NUBPL: variants seen among roughly 807,000 people sequenced by gnomAD.
NUBPL encodes iron-sulfur cluster transfer protein NUBPL.
In NUBPL, 31 loss-of-function variants were observed where a neutral mutation model predicts 45.7. That is an observed-to-expected ratio of 0.68 (90% CI 0.51 to 0.92). NUBPL has a LOEUF of 0.92. Among genes scored for constraint, NUBPL ranks in the 40% least tolerant of loss-of-function variants. The probability of loss-of-function intolerance (pLI) is 0.00; values close to 1 mark genes in which losing one functional copy is unlikely to be tolerated. For synonymous variants in NUBPL, 144 were observed against 140.9 expected (o/e 1.02, Z -0.15); for missense variants, 401 against 398.7 (o/e 1.01, Z -0.05).
chr14:31,687,864 G>A (rs118170588), intron 6 of NUBPL, among the ~76,000 whole-genome samples: 2,097 of 152,294 alleles, frequency 0.014, 24 homozygotes, highest in Non-Finnish European at 0.022. Context: ...ATAGAATGAA[G>A]TCTGCAGCTG....
intron 6 of NUBPL, among the ~76,000 whole-genome samples, chr14:31,747,415 G>A (rs2038425408): frequency 6.6e-6 from 1 of 152,146 alleles, no homozygotes; most frequent in Non-Finnish European, 1.5e-5. Context: ...GGGATTAGAG[G>A]TGTGAGCCAC....
chr14:31,566,461 T>A (rs1375300614), intron 3 of NUBPL, among the ~76,000 whole-genome samples: 3 of 152,024 alleles, frequency 2.0e-5, no homozygotes, highest in Non-Finnish European at 4.4e-5. Flanking sequence ...TCTTAAAAAA[T>A]TTTTTTTCAA....
intron 3 of NUBPL, among the ~76,000 whole-genome samples, chr14:31,571,773 A>G (rs1237887027): frequency 2.6e-5 from 4 of 152,142 alleles, no homozygotes; most frequent in African/African-American, 9.7e-5. Context: ...ATCTTTTGAA[A>G]TCCAGTAACA....
intron 3 of NUBPL, among the ~76,000 whole-genome samples, chr14:31,572,684 A>T (rs753504091): frequency 1.3e-5 from 2 of 152,194 alleles, no homozygotes; most frequent in East Asian, 1.9e-4. Flanking sequence ...TGCTTCTTAA[A>T]AGATGACGTA....
chr14:31,855,471 C>A (rs74633202), intron 10 of NUBPL, among the ~76,000 whole-genome samples: 5,287 of 152,232 alleles, frequency 0.035, 115 homozygotes, highest in Non-Finnish European at 0.053. Context: ...TCCAGCCTGA[C>A]TTCATGACCT....
At chr14:31,854,500 A>G (rs8021918) in intron 10 of NUBPL, among the ~76,000 whole-genome samples, 88,479 of 152,102 alleles carry the variant, frequency 0.58, 27,428 homozygotes, top group African/African-American at 0.81. Context: ...CAATGAGATT[A>G]TAAATTTCTT....
chr14:31,848,201 T>C (rs1196942946), intron 9 of NUBPL, among the ~76,000 whole-genome samples: 2 of 152,190 alleles, frequency 1.3e-5, no homozygotes, highest in African/African-American at 4.8e-5. Context: ...TGTCTGACAG[T>C]GTTAGGGGAA....
At position 31,826,788 on chromosome 14, in the gene NUBPL, G is replaced by A. The variant is rs930602724; in HGVS notation, c.693+74G>A. Reference sequence around the variant, plus strand: ...AAGAAGCAAGTCATTGAAAAATACAGTTGAAGTTTTAATTTAGTCCTGTAC... The same window carrying A: ...AAGAAGCAAGTCATTGAAAAATACAATTGAAGTTTTAATTTAGTCCTGTAC... On this transcript the variant is annotated intron_variant, in intron 8 of 10. Coordinates refer to ENST00000281081, the MANE Select transcript of NUBPL (RefSeq NM_025152.3). 5.0e-6 allele frequency: 7 copies of A among 1,391,110 alleles called. No individual in the cohort carries two copies. In the South Asian group the frequency reaches 7.0e-5, roughly 14 times the overall value. 86.2% of individuals were successfully genotyped at this position (1,391,110 alleles called of 1,614,324 possible). A position where few individuals can be genotyped will look rare whatever the true frequency, so the allele number is the denominator to read the frequency against.
chr14:31,659,159 A>G (rs2036210747), intron 4 of NUBPL, among the ~76,000 whole-genome samples: 1 of 152,234 alleles, frequency 6.6e-6, no homozygotes. Context: ...ATTCAGTGAA[A>G]TAAAATATCT....
intron 4 of NUBPL, among the ~76,000 whole-genome samples, chr14:31,614,540 C>T (rs948357455): frequency 2.0e-5 from 3 of 152,046 alleles, no homozygotes; most frequent in Admixed American, 2.0e-4. Flanking sequence ...TTTTTACATG[C>T]AACTTAACTA....
At chr14:31,676,177 C>G (rs771605416) in intron 6 of NUBPL, among the ~76,000 whole-genome samples, 1 of 152,138 alleles carries the variant, frequency 6.6e-6, no homozygotes, top group Non-Finnish European at 1.5e-5. Context: ...GCATGCGCCA[C>G]CACGCCTGGC....
intron 6 of NUBPL, among the ~76,000 whole-genome samples, chr14:31,743,061 A>G (rs934062437): frequency 7.9e-5 from 12 of 152,008 alleles, no homozygotes; most frequent in African/African-American, 2.2e-4. Context: ...CTTTCTTACT[A>G]CCTTACTTAT....
chr14:31,833,976 C>T (rs910923034), intron 8 of NUBPL, among the ~76,000 whole-genome samples: 3 of 152,026 alleles, frequency 2.0e-5, no homozygotes, highest in Non-Finnish European at 4.4e-5. Flanking sequence ...CCACATTTGA[C>T]CTGGAAACAA....
intron 4 of NUBPL, among the ~76,000 whole-genome samples, chr14:31,640,333 T>G (rs1038972761): frequency 1.1e-4 from 16 of 152,244 alleles, no homozygotes; most frequent in African/African-American, 3.9e-4. Context: ...GGGCCAGGCT[T>G]GGTGGCTCAC....
In NUBPL at chr14:31,673,574, G is replaced by C; in HGVS notation, c.513G>C (p.Gln171His). 1 of 1,611,222 alleles carries C rather than the reference G, an allele frequency of 6.2e-7. No homozygotes were observed. The highest frequency in any genetic ancestry group is 8.5e-7 in the Non-Finnish European group (1 of 1,177,566). Residue 171 changes from glutamine (Q) to histidine (H), a missense_variant and splice_region_variant, in exon 6 of 11, where the codon CAG becomes CAC. By Grantham distance (24) the Gln-to-His change is conservative (BLOSUM62 0). Coordinates refer to ENST00000281081, the MANE Select transcript of NUBPL (RefSeq NM_025152.3). ...CGGCCATTGAGAAATTGTTGAGGCA[G>C]GTAAGAATATTGCTTTAAATATCAT... The part of the protein sequence containing the change: ...VMSAIEKLLR[Q>H]VDWGQLDYLV...
chr14:31,654,641 C>T (rs531531639), intron 4 of NUBPL, among the ~76,000 whole-genome samples: 14 of 152,214 alleles, frequency 9.2e-5, no homozygotes, highest in African/African-American at 3.1e-4. Flanking sequence ...AATCTCCTGA[C>T]CTCATGATCT....
intron 6 of NUBPL, among the ~76,000 whole-genome samples, chr14:31,699,497 A>G (rs2037286391): frequency 1.3e-5 from 2 of 152,204 alleles, no homozygotes; most frequent in South Asian, 4.1e-4. Flanking sequence ...AATGAGGTTA[A>G]ATAACTTGGG....
chr14:31,840,960 G>A (rs962672357), intron 8 of NUBPL, among the ~76,000 whole-genome samples: 5 of 152,142 alleles, frequency 3.3e-5, no homozygotes, highest in South Asian at 2.1e-4. Context: ...TTATACGTTT[G>A]TGTGTCCGGT....
At chr14:31,756,885 A>G (rs2038678623) in intron 6 of NUBPL, among the ~76,000 whole-genome samples, 1 of 148,500 alleles carries the variant, frequency 6.7e-6, no homozygotes, top group African/African-American at 2.5e-5. Flanking sequence ...ATCAATACCT[A>G]ATTTATTGAG....
Sources: allele counts gnomAD v4.1 joint callset (sites outside exome capture counted in the v4.1 genomes callset), GRCh38; gene constraint gnomAD v4.1.1; transcripts MANE v1.5; gene names NCBI Gene and HGNC (gene_info 2026-07-23, HGNC 2026-07-21).